The following TEAD1 variants were observed in gnomAD, a reference collection of about 807,000 sequenced individuals.
TEAD1 encodes the protein TEA domain transcription factor 1, also known as transcriptional enhancer factor TEF-1.
In TEAD1, 9 loss-of-function variants were observed where a neutral mutation model predicts 54.9. That is an observed-to-expected ratio of 0.16 (90% CI 0.10 to 0.29). The LOEUF (loss-of-function observed/expected upper bound fraction) is 0.29, where lower values mean the gene tolerates loss of function less well. Ranked by LOEUF, TEAD1 falls within the 10% of genes least tolerant of loss-of-function variation. The pLI is 1.00. For synonymous variants in TEAD1, 200 were observed against 187.8 expected (o/e 1.07, Z -0.53); for missense variants, 387 against 535.9 (o/e 0.72, Z 2.74).
chr11:12,793,576 T>C (rs59046475), intron 3 of TEAD1, among the ~76,000 whole-genome samples: 2,970 of 152,314 alleles, frequency 0.019, 105 homozygotes, highest in African/African-American at 0.066. Context: ...GTCTGTCTTA[T>C]TAGTTTGTAG....
intron 3 of TEAD1, among the ~76,000 whole-genome samples, chr11:12,806,030 C>G (rs1440019084): frequency 3.3e-5 from 5 of 152,176 alleles, no homozygotes; most frequent in Non-Finnish European, 7.3e-5. Flanking sequence ...GTAGACAAAC[C>G]TGTCCCTAAT....
At chr11:12,736,210 C>T (rs184916024) in intron 2 of TEAD1, among the ~76,000 whole-genome samples, 283 of 152,296 alleles carry the variant, frequency 1.9e-3, no homozygotes, top group African/African-American at 6.4e-3. Context: ...TTCTCTTCCT[C>T]TCATTTACTA....
At chr11:12,915,613 C>T (rs924561072) in intron 10 of TEAD1, among the ~76,000 whole-genome samples, 11 of 152,192 alleles carry the variant, frequency 7.2e-5, no homozygotes, top group African/African-American at 2.4e-4. Context: ...TTTGGGAGGC[C>T]GAGGCAGGTG....
intron 3 of TEAD1, among the ~76,000 whole-genome samples, chr11:12,832,744 TAAG>T (rs1272853179): frequency 6.6e-5 from 10 of 152,240 alleles, no homozygotes; most frequent in African/African-American, 1.7e-4. Flanking sequence ...TTTTAACAAA[TAAG>T]AAGAAGTTTG....
Position 12,944,168 on chromosome 11 carries a change from T to G in TEAD1, c.*6946T>G, listed in dbSNP as rs1949186460. The G allele has an allele frequency of 6.5e-6, 1 of 152,674 alleles. No individual in the cohort carries two copies. The highest frequency in any genetic ancestry group is 1.5e-5 in the Non-Finnish European group (1 of 68,042). The allele number at this position is 152,674 out of a possible 1,614,324, so 9.5% of individuals were successfully genotyped here. ...AGTGGTTCCTTTGATATTGTACTGCTGCTGGGAGTGGGCTGTGGAACCTGC... is the reference window on the plus strand; with the variant it reads ...AGTGGTTCCTTTGATATTGTACTGCGGCTGGGAGTGGGCTGTGGAACCTGC... On this transcript the variant is annotated 3_prime_UTR_variant, in exon 13 of 13. Transcript: ENST00000527636.
chr11:12,688,888 C>G (rs557291101), intron 2 of TEAD1, among the ~76,000 whole-genome samples: 2 of 152,118 alleles, frequency 1.3e-5, no homozygotes, highest in Non-Finnish European at 2.9e-5. Context: ...GTTTTCCTCC[C>G]GAATAACATA....
chr11:12,825,207 CT>C (rs1268406505), intron 3 of TEAD1, among the ~76,000 whole-genome samples: 1 of 152,092 alleles, frequency 6.6e-6, no homozygotes, highest in Non-Finnish European at 1.5e-5. Flanking sequence ...GAGATGTCCA[CT>C]TTTGCTACTT....
At chr11:12,870,021 A>G (rs1298471110) in intron 5 of TEAD1, among the ~76,000 whole-genome samples, 1 of 152,050 alleles carries the variant, frequency 6.6e-6, no homozygotes, top group Non-Finnish European at 1.5e-5. Context: ...CTGGGATTAC[A>G]GGCGCTCATC....
intron 10 of TEAD1, among the ~76,000 whole-genome samples, chr11:12,917,233 T>C (rs928458790): frequency 6.6e-6 from 1 of 152,124 alleles, no homozygotes; most frequent in African/African-American, 2.4e-5. Context: ...GGCTGGTGTT[T>C]CTGGCTTTGA....
Position 12,937,872 on chromosome 11 carries a change from A to G in TEAD1, c.*650A>G, listed in dbSNP as rs1183272222. On this transcript the variant is annotated 3_prime_UTR_variant, in exon 13 of 13. Coordinates refer to ENST00000527636, the MANE Select transcript of TEAD1 (RefSeq NM_021961.6). ...TGGTAGAAGTGTCCTAATGAGACAA[A>G]TTTGTACTTTTATCCTCAAGGTTAA... The G allele has an allele frequency of 6.6e-6, 1 of 152,550 alleles. No individual in the cohort carries two copies. The highest frequency in any genetic ancestry group is 1.5e-5 in the Non-Finnish European group (1 of 68,026). The allele number at this position is 152,550 out of a possible 1,614,324, so 9.4% of individuals were successfully genotyped here.
chr11:12,930,676 C>G lies in TEAD1; in HGVS notation c.1167+350C>G, dbSNP rs565650228. Among the ~76,000 whole-genome samples the G allele has an allele frequency of 2.0e-5, 3 of 152,258 alleles. No individual in the cohort carries two copies. In the East Asian group the frequency reaches 5.8e-4, roughly 29 times the overall value. The stretch of plus-strand genomic sequence containing the variant: ...TATCCTAGATCAATTAAATCAGGAT[C>G]TGTGAGAACAGGACCCAGGCATGTG... On this transcript the variant is annotated intron_variant, in intron 12 of 12. Coordinates refer to ENST00000527636, the MANE Select transcript of TEAD1 (RefSeq NM_021961.6).
In TEAD1 at chr11:12,764,297, C is replaced by T; in HGVS notation, c.65C>T (p.Ser22Phe). The T allele has an allele frequency of 6.2e-7, 1 of 1,614,214 alleles. No homozygotes were observed. Among genetic ancestry groups the T allele is most frequent in the Non-Finnish European group, 8.5e-7 (1 of 1,180,024 alleles). Residue 22 changes from serine to phenylalanine, a missense_variant, in exon 3 of 13, where the codon TCT (serine) becomes TTT (phenylalanine). By Grantham distance (155) the Ser-to-Phe change is radical. This residue lies in a region of TEAD1 where 55 missense variants were observed against 50.4 expected (regional missense o/e 1.09). Coordinates refer to ENST00000527636, the MANE Select transcript of TEAD1 (RefSeq NM_021961.6). ...GAAAACATGGAAAGGATGAGTGACTCTGCAGATAAGCCAATTGACAATGAT... is the reference window on the plus strand; with the variant it reads ...GAAAACATGGAAAGGATGAGTGACTTTGCAGATAAGCCAATTGACAATGAT...
At chr11:12,786,135 G>A (rs1160121501) in intron 3 of TEAD1, among the ~76,000 whole-genome samples, 1 of 152,208 alleles carries the variant, frequency 6.6e-6, no homozygotes, top group Admixed American at 6.5e-5. Flanking sequence ...ACAGCACAGG[G>A]TGGGAGGGGA....
intron 4 of TEAD1, 29 bp downstream of exon 4, chr11:12,862,343 T>G: frequency 1.2e-6 from 2 of 1,608,260 alleles, no homozygotes; most frequent in Non-Finnish European, 1.7e-6. Context: ...AAATTGTGCA[T>G]GTCAGCGAAT....
At chr11:12,742,042 C>A (rs1463685836) in intron 2 of TEAD1, among the ~76,000 whole-genome samples, 1 of 152,202 alleles carries the variant, frequency 6.6e-6, no homozygotes, top group African/African-American at 2.4e-5. Context: ...TTTTCACCCA[C>A]CATAGATCAG....
intron 2 of TEAD1, among the ~76,000 whole-genome samples, chr11:12,680,588 A>G (rs1221418665): frequency 6.6e-6 from 1 of 152,186 alleles, no homozygotes; most frequent in Non-Finnish European, 1.5e-5. Flanking sequence ...CCATTTCTGA[A>G]GTTGACATCT....
At chr11:12,867,252 C>A (rs907823462) in intron 5 of TEAD1, among the ~76,000 whole-genome samples, 34 of 152,192 alleles carry the variant, frequency 2.2e-4, no homozygotes, top group African/African-American at 7.7e-4. Context: ...CAGAGGGCTT[C>A]ACACCAGCAC....
chr11:12,764,570 C>G, intron 3 of TEAD1, 136 bp downstream of exon 3: 2 of 1,024,744 alleles, frequency 2.0e-6, no homozygotes, highest in Non-Finnish European at 1.5e-6. Context: ...GTGGGTCATC[C>G]AAAGGACTCA....
At chr11:12,778,529 CTTTTTTTTT>C (rs775536398) in intron 3 of TEAD1, among the ~76,000 whole-genome samples, 3 of 125,810 alleles carry the variant, frequency 2.4e-5, no homozygotes, top group East Asian at 2.4e-4. Context: ...TCATCAGACT[CTTTTTTTTT>C]TTTTTTTTTT....
Sources: allele counts gnomAD v4.1 joint callset (sites outside exome capture counted in the v4.1 genomes callset), GRCh38; gene constraint gnomAD v4.1.1; regional missense constraint gnomAD v4.1.1; transcripts MANE v1.5; gene names NCBI Gene and HGNC (gene_info 2026-07-23, HGNC 2026-07-21).